Variants in DNAJC5 observed in about 807,000 individuals in gnomAD.
DNAJC5 encodes dnaJ homolog subfamily C member 5.
Under a neutral mutation model 23.2 loss-of-function variants are expected in DNAJC5, and 1 was observed. The observed-to-expected ratio is 0.04, with a 90% CI of 0.02 to 0.20. DNAJC5 has a LOEUF of 0.20. Among genes scored for constraint, DNAJC5 ranks in the 10% least tolerant of loss-of-function variants. The pLI is 1.00. For missense variants in DNAJC5, 180 were observed against 267.0 expected (o/e 0.67, Z 2.27); for synonymous variants, 136 against 120.0 (o/e 1.13, Z -0.87).
intron 1 of DNAJC5, among the ~76,000 whole-genome samples, chr20:63,897,698 T>G (rs2053384303): frequency 6.6e-6 from 1 of 152,214 alleles, no homozygotes; most frequent in African/African-American, 2.4e-5. Flanking sequence ...GGTAATTAAG[T>G]AGAGTGAGGT....
chr20:63,930,144 T>C (rs2053654982), intron 3 of DNAJC5, among the ~76,000 whole-genome samples: 1 of 152,268 alleles, frequency 6.6e-6, no homozygotes, highest in South Asian at 2.1e-4. Flanking sequence ...TGGCTTTGAC[T>C]GGTCGGCCTC....
rs2053640804 is a variant in DNAJC5 at position 63,929,243 on chromosome 20, A to G, written c.108-69A>G. ...GCACCCGGCAGTGCGTGCGGGTGGG[A>G]TGGACGCGGCGGCGGGTGCGGGTGG... On this transcript the variant is annotated intron_variant, in intron 2 of 4. Coordinates refer to ENST00000360864, the MANE Select transcript of DNAJC5 (RefSeq NM_025219.3). The surrounding 1 kb of genome is among the most constrained non-coding windows in gnomAD (Gnocchi z 8.6). 1.1e-5 allele frequency: 17 copies of G among 1,545,346 alleles called. No homozygotes were observed. Among genetic ancestry groups the G allele is most frequent in the African/African-American group, 1.4e-5 (1 of 72,826 alleles).
chr20:63,924,034 G>C (rs1009953423), intron 1 of DNAJC5, among the ~76,000 whole-genome samples: 1 of 152,092 alleles, frequency 6.6e-6, no homozygotes, highest in Non-Finnish European at 1.5e-5. Context: ...CGATTCTGCT[G>C]TTGTGTGTGT....
chr20:63,898,088 C>G (rs1357276440), intron 1 of DNAJC5, among the ~76,000 whole-genome samples: 1 of 152,186 alleles, frequency 6.6e-6, no homozygotes, highest in Non-Finnish European at 1.5e-5. Context: ...ATCGTCAGAG[C>G]TGGAACTTGA....
At chr20:63,927,019 C>T (rs1246821033) in intron 1 of DNAJC5, among the ~76,000 whole-genome samples, 1 of 152,218 alleles carries the variant, frequency 6.6e-6, no homozygotes, top group Admixed American at 6.5e-5. Flanking sequence ...GTATCTTCCT[C>T]CTGGGTTTCC....
chr20:63,908,116 C>T (rs1310369995), intron 1 of DNAJC5, among the ~76,000 whole-genome samples: 1 of 152,076 alleles, frequency 6.6e-6, no homozygotes, highest in Non-Finnish European at 1.5e-5. Context: ...AATTGGTGCA[C>T]CTTATACTTG....
intron 1 of DNAJC5, among the ~76,000 whole-genome samples, chr20:63,926,279 T>C (rs2053615681): frequency 6.6e-6 from 1 of 152,268 alleles, no homozygotes; most frequent in South Asian, 2.1e-4. Context: ...AAGTTGTTCG[T>C]ATTTTATCCT....
chr20:63,910,676 T>G (rs13043723), intron 1 of DNAJC5, among the ~76,000 whole-genome samples: 1 of 120,728 alleles, frequency 8.3e-6, no homozygotes, highest in Admixed American at 8.8e-5. Context: ...AGAATGTTTT[T>G]TTTTTTTTTT....
rs141103374 is a variant in DNAJC5, at chr20:63,930,853, C to G, written c.324C>G (p.Ala108=). ...YFVLSSWWAK[A]LFVFCGLLTC... ...ACACCACCTTCTTCTCCCCCCAGGCCCTGTTTGTCTTCTGCGGCCTCCTCA... is the reference window on the plus strand; with the variant it reads ...ACACCACCTTCTTCTCCCCCCAGGCGCTGTTTGTCTTCTGCGGCCTCCTCA... Residue 108 remains alanine, a splice_region_variant and synonymous_variant, in exon 4 of 5, where the codon GCC becomes GCG. Transcript: ENST00000360864. 31 of 1,612,610 alleles carry G rather than the reference C, an allele frequency of 1.9e-5. No individual in the cohort carries two copies. In the Admixed American group the frequency reaches 2.3e-4, roughly 12 times the overall value.
chr20:63,928,185 C>T lies in DNAJC5; in HGVS notation c.-11-150C>T. 1 of 674,260 alleles carries T rather than the reference C, an allele frequency of 1.5e-6. No homozygotes were observed. The highest frequency in any genetic ancestry group is 2.7e-6 in the Non-Finnish European group (1 of 375,602). The allele number at this position is 674,260 out of a possible 1,614,324, so 41.8% of individuals were successfully genotyped here. On this transcript the variant is annotated intron_variant, in intron 1 of 4. Coordinates refer to ENST00000360864, the MANE Select transcript of DNAJC5 (RefSeq NM_025219.3). This position sits in a 1 kb window ranked among gnomAD's most constrained non-coding sequence, Gnocchi z 4.6. ...TTCTGCCGTCTCACACTTCTCCATGCCATGGCGTCTGTCTGTGCACGTGGC... is the reference window on the plus strand; with the variant it reads ...TTCTGCCGTCTCACACTTCTCCATGTCATGGCGTCTGTCTGTGCACGTGGC...
intron 1 of DNAJC5, among the ~76,000 whole-genome samples, chr20:63,924,969 T>C (rs1387432402): frequency 2.6e-5 from 4 of 152,150 alleles, no homozygotes; most frequent in Non-Finnish European, 4.4e-5. Flanking sequence ...ACACTGGACA[T>C]TGAAGGGTGA....
chr20:63,914,094 C>T (rs773451228), intron 1 of DNAJC5, among the ~76,000 whole-genome samples: 1 of 152,076 alleles, frequency 6.6e-6, no homozygotes, highest in African/African-American at 2.4e-5. Flanking sequence ...CACCGTTGGC[C>T]GAGTACCTTA....
At chr20:63,912,444 A>G (rs990913838) in intron 1 of DNAJC5, among the ~76,000 whole-genome samples, 7 of 151,958 alleles carry the variant, frequency 4.6e-5, no homozygotes, top group African/African-American at 1.2e-4. Flanking sequence ...TTTGGAATAG[A>G]TAATATCTAT....
intron 1 of DNAJC5, among the ~76,000 whole-genome samples, chr20:63,919,066 T>C (rs1328154843): frequency 6.6e-6 from 1 of 152,222 alleles, no homozygotes; most frequent in African/African-American, 2.4e-5. Context: ...ATAAAACGTT[T>C]GCTGCACACA....
At position 63,934,561 on chromosome 20, in the gene DNAJC5, C is replaced by T. The variant is rs886056947; in HGVS notation, c.*2993C>T. The stretch of plus-strand genomic sequence containing the variant: ...GTAGGAGCGGCCCTGCGGGCCCTTT[C>T]ACGGCAGCTGCTGCTGTATAGATTT... On this transcript the variant is annotated 3_prime_UTR_variant, in exon 5 of 5. Coordinates refer to ENST00000360864, the MANE Select transcript of DNAJC5 (RefSeq NM_025219.3). 3.3e-5 allele frequency: 5 copies of T among 152,280 alleles called. No individual in the cohort carries two copies. The highest frequency in any genetic ancestry group is 5.9e-5 in the Non-Finnish European group (4 of 68,064). The allele number at this position is 152,280 out of a possible 1,614,324, so 9.4% of individuals were successfully genotyped here.
At chr20:63,927,162 G>C (rs915773212) in intron 1 of DNAJC5, among the ~76,000 whole-genome samples, 2 of 152,208 alleles carry the variant, frequency 1.3e-5, no homozygotes, top group African/African-American at 4.8e-5. Context: ...GTGTTCTCTA[G>C]ATGTTGGGTG....
intron 1 of DNAJC5, among the ~76,000 whole-genome samples, chr20:63,926,131 TG>T (rs1260093446): frequency 1.3e-5 from 2 of 152,204 alleles, no homozygotes; most frequent in African/African-American, 4.8e-5. Flanking sequence ...CCTGGCCTTC[TG>T]GGGATTTTTT....
chr20:63,925,477 C>T (rs925075118), intron 1 of DNAJC5, among the ~76,000 whole-genome samples: 6 of 149,208 alleles, frequency 4.0e-5, no homozygotes, highest in Non-Finnish European at 7.4e-5. Context: ...GAGCGAGACT[C>T]CACCTCAAAA....
In DNAJC5 at chr20:63,931,700, C is replaced by G; in HGVS notation, c.*132C>G. 1 of 865,720 alleles carries G rather than the reference C, an allele frequency of 1.2e-6. No individual in the cohort carries two copies. The highest frequency in any genetic ancestry group is 1.9e-6 in the Non-Finnish European group (1 of 535,894). 53.6% of individuals were successfully genotyped at this position (865,720 alleles called of 1,614,324 possible). A position where few individuals can be genotyped will look rare whatever the true frequency, so the allele number is the denominator to read the frequency against. Reference sequence around the variant, plus strand: ...GGCCTTGCTGGGGCCCCTCCTGCCTCCACGCCCACCCAGCGTCGACCCTTG... The same window carrying G: ...GGCCTTGCTGGGGCCCCTCCTGCCTGCACGCCCACCCAGCGTCGACCCTTG... On this transcript the variant is annotated 3_prime_UTR_variant, in exon 5 of 5. Transcript: ENST00000360864. This position sits in a 1 kb window ranked among gnomAD's most constrained non-coding sequence, Gnocchi z 9.6.
Sources: allele counts gnomAD v4.1 joint callset (sites outside exome capture counted in the v4.1 genomes callset), GRCh38; gene constraint gnomAD v4.1.1; non-coding constraint Gnocchi (gnomAD v3.1); transcripts MANE v1.5; gene names NCBI Gene and HGNC (gene_info 2026-07-23, HGNC 2026-07-21).